DNAH14: variants seen among roughly 807,000 people sequenced by gnomAD.
DNAH14 encodes the protein dynein axonemal heavy chain 14, also known as axonemal beta dynein heavy chain 14.
DNAH14 carries 478 observed loss-of-function variants against 520.9 expected under a neutral mutation model. The observed-to-expected ratio is 0.92, with a 90% CI of 0.85 to 0.99. The LOEUF (loss-of-function observed/expected upper bound fraction) is 0.99, where lower values mean the gene tolerates loss of function less well. Among genes scored for constraint, DNAH14 ranks in the 50% least tolerant of loss-of-function variants. The pLI, the probability that DNAH14 is intolerant of heterozygous loss-of-function variation, is 0.00. For missense variants in DNAH14, 4,831 were observed against 5,234.5 expected, an observed-to-expected ratio of 0.92 and a Z score of 2.38; for synonymous variants, 1,581 against 1,757.2, an observed-to-expected ratio of 0.90 and a Z score of 2.51.
intron 41 of DNAH14, among the ~76,000 whole-genome samples, chr1:225,224,705 T>C (rs2090376026): frequency 6.6e-6 from 1 of 152,216 alleles, no homozygotes; most frequent in Non-Finnish European, 1.5e-5. Context: ...CTAACGCTTC[T>C]GGTAAAAATA....
chr1:225,177,454 A>G (rs1284712114), intron 36 of DNAH14, among the ~76,000 whole-genome samples: 1 of 152,222 alleles, frequency 6.6e-6, no homozygotes, highest in East Asian at 1.9e-4. Context: ...GAGGATCCAA[A>G]TGTTAATCCC....
intron 71 of DNAH14, among the ~76,000 whole-genome samples, chr1:225,349,278 T>C (rs1276812071): frequency 1.3e-5 from 2 of 152,096 alleles, no homozygotes; most frequent in Admixed American, 1.3e-4. Flanking sequence ...GTAATTGCAA[T>C]AGTAACCACA....
intron 83 of DNAH14, among the ~76,000 whole-genome samples, chr1:225,391,092 A>G (rs2095904800): frequency 6.6e-6 from 1 of 152,218 alleles, no homozygotes; most frequent in Admixed American, 6.5e-5. Context: ...CATTATGGCC[A>G]AAACAAAAGA....
At chr1:225,122,182 G>T (rs2077352386) in intron 26 of DNAH14, among the ~76,000 whole-genome samples, 1 of 152,024 alleles carries the variant, frequency 6.6e-6, no homozygotes, top group Admixed American at 6.6e-5. Context: ...TTTAGTTTGG[G>T]GCTATGGACT....
intron 66 of DNAH14, among the ~76,000 whole-genome samples, chr1:225,335,743 A>ACATCTATG (rs2094985635): frequency 1.5e-5 from 1 of 66,366 alleles, no homozygotes; most frequent in Non-Finnish European, 2.9e-5. Flanking sequence ...GCATATATGT[A>ACATCTATG]TATACGCATA....
intron 84 of DNAH14, among the ~76,000 whole-genome samples, chr1:225,393,220 T>C (rs1373251551): frequency 6.6e-6 from 1 of 152,164 alleles, no homozygotes; most frequent in Non-Finnish European, 1.5e-5. Flanking sequence ...ACCCACTAGG[T>C]TGGCTATAAC....
At chr1:225,393,442 G>GT (rs2095949162) in intron 84 of DNAH14, among the ~76,000 whole-genome samples, 1 of 152,210 alleles carries the variant, frequency 6.6e-6, no homozygotes, top group African/African-American at 2.4e-5. Flanking sequence ...TGCAGGCAGT[G>GT]TAACACAATG....
At chr1:225,257,737 G>A (rs546067762) in intron 44 of DNAH14, among the ~76,000 whole-genome samples, 23 of 151,720 alleles carry the variant, frequency 1.5e-4, no homozygotes, top group Non-Finnish European at 3.1e-4. Flanking sequence ...GGGTTTCACC[G>A]CGTTAGCCAG....
Position 225,338,348 on chromosome 1 carries a change from A to G in DNAH14, c.10433+166A>G, listed in dbSNP as rs2095105909. ...TGTTGGCAGTAGTATTCATCAGTAT[A>G]CAGAAGAGATAACCGATTTTTATCA... On this transcript the variant is annotated intron_variant, in intron 68 of 85. Coordinates refer to ENST00000682510, the MANE Select transcript of DNAH14 (RefSeq NM_001367479.1). The G allele has an allele frequency of 1.5e-5, 13 of 871,576 alleles. No homozygotes were observed. The South Asian group carries it at 1.7e-4, about 12-fold the overall frequency. The allele number at this position is 871,576 out of a possible 1,614,324, so 54.0% of individuals were successfully genotyped here.
At chr1:225,005,067 C>T (rs564704231) in intron 9 of DNAH14, among the ~76,000 whole-genome samples, 2 of 152,006 alleles carry the variant, frequency 1.3e-5, no homozygotes, top group East Asian at 3.9e-4. Flanking sequence ...GAGATTTCTC[C>T]CAGCTAGATT....
chr1:225,277,151 A>G (rs548059129), intron 53 of DNAH14, among the ~76,000 whole-genome samples: 433 of 149,432 alleles, frequency 2.9e-3, no homozygotes, highest in Non-Finnish European at 4.9e-3. Context: ...GAGCCTAAAT[A>G]CTATTGTTTG....
chr1:224,969,739 TAA>T (rs1276116984), intron 7 of DNAH14: 1 of 208,788 alleles, frequency 4.8e-6, no homozygotes, highest in African/African-American at 2.4e-5. Context: ...AATACTTTTA[TAA>T]TTTCTTACAC....
chr1:225,281,919 G>T (rs918314326), intron 54 of DNAH14, among the ~76,000 whole-genome samples: 1 of 152,120 alleles, frequency 6.6e-6, no homozygotes, highest in African/African-American at 2.4e-5. Context: ...TAACAACACT[G>T]TATTATATAC....
chr1:224,979,621 G>A (rs941760034), intron 8 of DNAH14, among the ~76,000 whole-genome samples: 1 of 152,220 alleles, frequency 6.6e-6, no homozygotes, highest in African/African-American at 2.4e-5. Context: ...ACCAATGGAT[G>A]TGGGGGGCAC....
At chr1:225,060,233 A>G (rs1220472096) in intron 17 of DNAH14, among the ~76,000 whole-genome samples, 1 of 151,620 alleles carries the variant, frequency 6.6e-6, no homozygotes, top group African/African-American at 2.4e-5. Flanking sequence ...TTTTTTCTCT[A>G]AACTTCTCTT....
chr1:225,118,234 G>T (rs748391297), intron 25 of DNAH14: 113 of 537,580 alleles, frequency 2.1e-4, no homozygotes, highest in Admixed American at 1.4e-3. Context: ...ATTCTAATTT[G>T]CACTTACATT....
intron 17 of DNAH14, among the ~76,000 whole-genome samples, chr1:225,073,158 C>T (rs1464348378): frequency 6.6e-6 from 1 of 152,144 alleles, no homozygotes; most frequent in Admixed American, 6.5e-5. Flanking sequence ...TGGGAGGCCC[C>T]ACAGGATGAA....
intron 17 of DNAH14, among the ~76,000 whole-genome samples, chr1:225,070,316 C>G (rs2071409900): frequency 6.6e-6 from 1 of 152,088 alleles, no homozygotes; most frequent in Non-Finnish European, 1.5e-5. Flanking sequence ...AACTTGAGAT[C>G]TTTCTAGCTT....
chr1:225,171,553 T>C (rs1189720587), intron 36 of DNAH14, among the ~76,000 whole-genome samples: 1 of 151,998 alleles, frequency 6.6e-6, no homozygotes, highest in Non-Finnish European at 1.5e-5. Context: ...ACATACACCC[T>C]CCCAAGACTA....
Sources: gnomAD v4.1 joint callset for allele counts (sites outside exome capture counted in the v4.1 genomes callset) on GRCh38, gnomAD v4.1.1 for gene constraint, MANE v1.5 for transcripts, NCBI Gene and HGNC (gene_info 2026-07-23, HGNC 2026-07-21) for gene names.